The following MARCHF1 variants were observed in gnomAD, a reference collection of about 807,000 sequenced individuals.
MARCHF1 encodes membrane associated ring-CH-type finger 1.
Under a neutral mutation model 54.2 loss-of-function variants are expected in MARCHF1, and 40 were observed. The observed-to-expected ratio is 0.74, with a 90% CI of 0.57 to 0.96. The LOEUF is 0.96. Among genes scored for constraint, MARCHF1 ranks in the 40% least tolerant of loss-of-function variants. The probability of loss-of-function intolerance (pLI) is 0.00; values close to 1 mark genes in which losing one functional copy is unlikely to be tolerated. For synonymous variants in MARCHF1, 236 were observed against 236.3 expected (o/e 1.00, Z 0.01); for missense variants, 586 against 656.5 (o/e 0.89, Z 1.17).
At chr4:164,014,545 A>C (rs1475555651) in intron 2 of MARCHF1, among the ~76,000 whole-genome samples, 1 of 152,190 alleles carries the variant, frequency 6.6e-6, no homozygotes, top group Non-Finnish European at 1.5e-5. Flanking sequence ...GTCTTTACCT[A>C]TCAGTGATAA....
At chr4:163,719,893 ATTTG>A (rs1197991644) in intron 4 of MARCHF1, among the ~76,000 whole-genome samples, 1 of 151,976 alleles carries the variant, frequency 6.6e-6, no homozygotes, top group Non-Finnish European at 1.5e-5. Flanking sequence ...TTTCTTGTAA[ATTTG>A]TTTGAGTTCT....
intron 1 of MARCHF1, among the ~76,000 whole-genome samples, chr4:164,316,918 G>A (rs534112709): frequency 6.6e-6 from 1 of 152,242 alleles, no homozygotes; most frequent in African/African-American, 2.4e-5. Flanking sequence ...TTACTGCAAT[G>A]ACTAAGTTTC....
At chr4:164,153,073 G>C (rs1014721971) in intron 1 of MARCHF1, among the ~76,000 whole-genome samples, 2 of 152,030 alleles carry the variant, frequency 1.3e-5, no homozygotes, top group Non-Finnish European at 2.9e-5. Flanking sequence ...ATTTAGTGCA[G>C]AATAAATCTT....
At chr4:164,342,673 T>C (rs755967979) in intron 1 of MARCHF1, among the ~76,000 whole-genome samples, 1 of 152,116 alleles carries the variant, frequency 6.6e-6, no homozygotes, top group African/African-American at 2.4e-5. Flanking sequence ...CCTATGTTCA[T>C]TGCAGCGTTA....
intron 1 of MARCHF1, among the ~76,000 whole-genome samples, chr4:164,233,297 T>G (rs1732465156): frequency 6.6e-6 from 1 of 152,174 alleles, no homozygotes; most frequent in Admixed American, 6.5e-5. Flanking sequence ...GACCCTGGTC[T>G]TATTTACTCT....
At chr4:163,951,342 C>T (rs185612765) in intron 3 of MARCHF1, among the ~76,000 whole-genome samples, 40 of 152,182 alleles carry the variant, frequency 2.6e-4, no homozygotes, top group Admixed American at 2.6e-3. Flanking sequence ...CATGTAACTA[C>T]GAACACAGGT....
chr4:163,672,637 T>A (rs1359888594), intron 5 of MARCHF1, among the ~76,000 whole-genome samples: 1 of 152,236 alleles, frequency 6.6e-6, no homozygotes, highest in Non-Finnish European at 1.5e-5. Flanking sequence ...TATTTGTTTT[T>A]AACTACCATT....
chr4:164,043,081 C>T (rs1012452245), intron 2 of MARCHF1, among the ~76,000 whole-genome samples: 1 of 152,160 alleles, frequency 6.6e-6, no homozygotes, highest in African/African-American at 2.4e-5. Context: ...CTTTTCCAGG[C>T]ACATAGTGCA....
At chr4:164,131,844 T>G (rs965357549) in intron 1 of MARCHF1, among the ~76,000 whole-genome samples, 7 of 152,158 alleles carry the variant, frequency 4.6e-5, no homozygotes, top group African/African-American at 1.7e-4. Flanking sequence ...ATGAAGTCTG[T>G]GTATTGAATA....
intron 8 of MARCHF1, among the ~76,000 whole-genome samples, chr4:163,567,826 TTTTA>T (rs1739698316): frequency 6.6e-6 from 1 of 152,166 alleles, no homozygotes; most frequent in Non-Finnish European, 1.5e-5. Flanking sequence ...TTGATTTTTT[TTTTA>T]TTTTTATTTT....
At chr4:164,042,497 T>C (rs1299168758) in intron 2 of MARCHF1, among the ~76,000 whole-genome samples, 1 of 152,114 alleles carries the variant, frequency 6.6e-6, no homozygotes, top group Non-Finnish European at 1.5e-5. Flanking sequence ...CTCACTGTCA[T>C]GAGAATAGCA....
At chr4:163,622,802 G>T (rs943634050) in intron 5 of MARCHF1, among the ~76,000 whole-genome samples, 3 of 152,154 alleles carry the variant, frequency 2.0e-5, no homozygotes, top group Non-Finnish European at 4.4e-5. Flanking sequence ...CTCAGAAAGG[G>T]AAAGCCAAGT....
intron 8 of MARCHF1, among the ~76,000 whole-genome samples, chr4:163,571,001 A>G (rs918017213): frequency 6.6e-6 from 1 of 152,136 alleles, no homozygotes; most frequent in African/African-American, 2.4e-5. Context: ...TACCGTTAGT[A>G]ATTTTCCTCA....
At chr4:164,233,346 ATT>A (rs1732466864) in intron 1 of MARCHF1, among the ~76,000 whole-genome samples, 1 of 151,972 alleles carries the variant, frequency 6.6e-6, no homozygotes, top group African/African-American at 2.4e-5. Context: ...CAATGACATC[ATT>A]GTTTTGAGTA....
At chr4:164,037,498 T>C (rs560532356) in intron 2 of MARCHF1, among the ~76,000 whole-genome samples, 1 of 152,262 alleles carries the variant, frequency 6.6e-6, no homozygotes, top group East Asian at 1.9e-4. Flanking sequence ...TAAAATAAAT[T>C]TCCATAAATT....
At chr4:163,535,720 G>A (rs1233835780) in intron 9 of MARCHF1, among the ~76,000 whole-genome samples, 2 of 150,990 alleles carry the variant, frequency 1.3e-5, no homozygotes, top group Non-Finnish European at 2.9e-5. Flanking sequence ...TATTCTCTAT[G>A]CAGAGAGTCC....
chr4:163,550,300 A>AT lies in MARCHF1; in HGVS notation c.1192-4558_1192-4557insA, dbSNP rs1739064251. 2.1e-5 allele frequency among the ~76,000 whole-genome samples: 3 copies of AT among 144,484 alleles called. No individual in the cohort carries two copies. In the Admixed American group the frequency reaches 2.2e-4, roughly 10 times the overall value. 94.8% of individuals were successfully genotyped at this position (144,484 alleles called of 152,430 possible). A position where few individuals can be genotyped will look rare whatever the true frequency, so the allele number is the denominator to read the frequency against. On this transcript the variant is annotated intron_variant, in intron 8 of 9. Coordinates refer to ENST00000514618, the MANE Select transcript of MARCHF1 (RefSeq NM_001394959.1). The stretch of plus-strand genomic sequence containing the variant: ...CCGTCTCAAAAAAAAAAAAAAAAAA[A>AT]GAAAAGAAAAGAAAAGAAAAAAGCA...
Position 164,035,469 on chromosome 4 carries a change from GA to G in MARCHF1, c.-247-46761del, listed in dbSNP as rs748614434. On this transcript the variant is annotated intron_variant, in intron 2 of 9. Coordinates refer to ENST00000514618, the MANE Select transcript of MARCHF1 (RefSeq NM_001394959.1). ...GTTCTTTTGACTATCTCAGCTTTTA[GA>G]AAAAAAAAAAACTACATAACTTTTC... is the stretch of plus-strand genomic sequence containing the variant. 1.4e-3 allele frequency among the ~76,000 whole-genome samples: 198 copies of G among 137,518 alleles called. 1 individual carries two copies. Among genetic ancestry groups the G allele is most frequent in the African/African-American group, 4.1e-3 (153 of 37,546 alleles). 90.2% of individuals were successfully genotyped at this position (137,518 alleles called of 152,430 possible).
chr4:163,928,369 T>C (rs541325225), intron 3 of MARCHF1, among the ~76,000 whole-genome samples: 1 of 151,908 alleles, frequency 6.6e-6, no homozygotes. Flanking sequence ...GAACAACAAG[T>C]GCAAGAGGAC....
Sources: allele counts gnomAD v4.1 joint callset (sites outside exome capture counted in the v4.1 genomes callset), GRCh38; gene constraint gnomAD v4.1.1; transcripts MANE v1.5; gene names NCBI Gene and HGNC (gene_info 2026-07-23, HGNC 2026-07-21).